Variants in GCNT1 observed in about 807,000 individuals in gnomAD.
GCNT1 encodes the protein beta-1,3-galactosyl-O-glycosyl-glycoprotein beta-1,6-N-acetylglucosaminyltransferase.
A neutral mutation model predicts 26.2 loss-of-function variants in GCNT1; 16 were observed. The observed-to-expected ratio is 0.61, with a 90% confidence interval of 0.41 to 0.93. The LOEUF (loss-of-function observed/expected upper bound fraction) is 0.93. Among genes scored for constraint, GCNT1 ranks in the 40% least tolerant of loss-of-function variants. GCNT1 has a pLI of 0.00. For synonymous variants in GCNT1, 183 were observed against 190.8 expected, an observed-to-expected ratio of 0.96 and a Z score of 0.34; for missense variants, 477 against 526.7, an observed-to-expected ratio of 0.91 and a Z score of 0.92.
intron 1 of GCNT1, among the ~76,000 whole-genome samples, chr9:76,434,942 C>A (rs1307069615): frequency 6.6e-6 from 1 of 152,056 alleles, no homozygotes; most frequent in Non-Finnish European, 1.5e-5. Context: ...GAAATCCCAC[C>A]CTGGTAAATT....
intron 2 of GCNT1, among the ~76,000 whole-genome samples, chr9:76,490,203 A>C (rs1275497510): frequency 1.3e-5 from 2 of 151,988 alleles, no homozygotes; most frequent in Non-Finnish European, 2.9e-5. Context: ...TAAAAGCAAC[A>C]CTCTTTCCCT....
At chr9:76,450,043 G>T (rs1048225773) in intron 1 of GCNT1, among the ~76,000 whole-genome samples, 32 of 152,160 alleles carry the variant, frequency 2.1e-4, no homozygotes, top group Non-Finnish European at 4.4e-5. Flanking sequence ...AAAGTGCTGG[G>T]ATTACAGGTG....
At chr9:76,457,910 A>G (rs575337390), upstream of GCNT1, among the ~76,000 whole-genome samples, 21 of 152,280 alleles carry the variant, frequency 1.4e-4, 1 homozygote, top group South Asian at 4.1e-3. Context: ...TGAAGAGGAT[A>G]CACAAGCTCC....
At chr9:76,410,821 T>G in the GCNT1 span, among the ~76,000 whole-genome samples, 140 of 152,334 alleles carry the variant, frequency 9.2e-4, 2 homozygotes, top group South Asian at 0.015. Flanking sequence ...ATTCATCTGT[T>G]TCTCATTGTA....
In GCNT1 at chr9:76,451,948, CT is replaced by C. The variant is rs747978017; in HGVS notation, c.-290+9651del. Among the ~76,000 whole-genome samples the C allele has an allele frequency of 6.9e-3, 679 of 98,418 alleles. 4 individuals carry two copies. The highest frequency in any genetic ancestry group is 0.015 in the South Asian group (52 of 3,412). The allele number at this position is 98,418 out of a possible 152,430, so 64.6% of individuals were successfully genotyped here. A position where few individuals can be genotyped will look rare whatever the true frequency, so the allele number is the denominator to read the frequency against. On this transcript the variant is annotated intron_variant, in intron 1 of 2. Coordinates refer to the GCNT1 transcript ENST00000442371. ...AACTTTTCTTTTCTTTTCTTTCTTT[CT>C]TTTTTTTTTTTTTTTTTGTTGTTGT... is the stretch of plus-strand genomic sequence containing the variant.
At chr9:76,407,659 G>C in the GCNT1 span, among the ~76,000 whole-genome samples, 1 of 152,130 alleles carries the variant, frequency 6.6e-6, no homozygotes, top group South Asian at 2.1e-4. Context: ...AAAATAACTT[G>C]CTGGGAATTT....
At chr9:76,464,771 A>G (rs1313343659) in intron 2 of GCNT1, among the ~76,000 whole-genome samples, 1 of 152,174 alleles carries the variant, frequency 6.6e-6, no homozygotes, top group African/African-American at 2.4e-5. Context: ...TCTAAATTCT[A>G]CTTAAAAATT....
At chr9:76,457,739 A>G (rs900117146), upstream of GCNT1, among the ~76,000 whole-genome samples, 3 of 152,214 alleles carry the variant, frequency 2.0e-5, no homozygotes, top group Non-Finnish European at 2.9e-5. Flanking sequence ...AAGTTTATAA[A>G]CTTTTATTCC....
intron 2 of GCNT1, among the ~76,000 whole-genome samples, chr9:76,480,750 A>G (rs1294849036): frequency 6.6e-6 from 1 of 152,216 alleles, no homozygotes; most frequent in Admixed American, 6.5e-5. Flanking sequence ...TAATGATTAC[A>G]AGAAAAAAAT....
At chr9:76,500,755 G>A (rs143149643) in intron 2 of GCNT1, among the ~76,000 whole-genome samples, 161 bp from the exon 3 acceptor site, 2 of 152,168 alleles carry the variant, frequency 1.3e-5, no homozygotes, top group African/African-American at 4.8e-5. Flanking sequence ...AGAAAAATAA[G>A]TAAGACTAGA....
chr9:76,415,509 A>T (rs1321891211), upstream of GCNT1, among the ~76,000 whole-genome samples: 3 of 152,200 alleles, frequency 2.0e-5, no homozygotes, highest in Non-Finnish European at 4.4e-5. Flanking sequence ...TTCTCTTGTT[A>T]ATTTATCATC....
chr9:76,408,448 A>G, the GCNT1 span, among the ~76,000 whole-genome samples: 1 of 152,178 alleles, frequency 6.6e-6, no homozygotes, highest in Non-Finnish European at 1.5e-5. Context: ...CCAGGCTTAC[A>G]TACCTGGAAT....
At chr9:76,469,906 G>C (rs887117319) in intron 2 of GCNT1, among the ~76,000 whole-genome samples, 1 of 152,148 alleles carries the variant, frequency 6.6e-6, no homozygotes, top group African/African-American at 2.4e-5. Flanking sequence ...AGAACCCCAG[G>C]TCAGAGAACA....
intron 2 of GCNT1, among the ~76,000 whole-genome samples, chr9:76,467,580 T>A (rs1824030016): frequency 6.6e-6 from 1 of 152,118 alleles, no homozygotes; most frequent in Non-Finnish European, 1.5e-5. Flanking sequence ...TTTTGAAAGC[T>A]CCCTGGTGGT....
At chr9:76,449,262 C>A (rs1444753750) in intron 1 of GCNT1, among the ~76,000 whole-genome samples, 7 of 151,686 alleles carry the variant, frequency 4.6e-5, no homozygotes, top group Non-Finnish European at 8.8e-5. Flanking sequence ...CACACTACCA[C>A]ACTCCAGCCT....
chr9:76,407,656 C>T, the GCNT1 span, among the ~76,000 whole-genome samples: 1 of 152,182 alleles, frequency 6.6e-6, no homozygotes, highest in Non-Finnish European at 1.5e-5. Context: ...CACAAAATAA[C>T]TTGCTGGGAA....
At chr9:76,440,086 G>A (rs769937239), upstream of GCNT1, among the ~76,000 whole-genome samples, 19 of 149,200 alleles carry the variant, frequency 1.3e-4, no homozygotes, top group African/African-American at 3.0e-4. Context: ...GGGCAAGAGC[G>A]AAATTCCGTC....
chr9:76,467,671 C>T (rs1440797108), intron 2 of GCNT1, among the ~76,000 whole-genome samples: 1 of 152,072 alleles, frequency 6.6e-6, no homozygotes, highest in Admixed American at 6.5e-5. Flanking sequence ...CTGTGTTGAG[C>T]TCCAGCCCCT....
intron 2 of GCNT1, among the ~76,000 whole-genome samples, chr9:76,472,287 A>C (rs1824147916): frequency 1.3e-5 from 2 of 152,092 alleles, no homozygotes; most frequent in Middle Eastern, 3.4e-3. Context: ...TGTCTCAAAG[A>C]AAAAAAGGAA....
Sources: allele counts gnomAD v4.1 joint callset (sites outside exome capture counted in the v4.1 genomes callset), GRCh38; gene constraint gnomAD v4.1.1; transcripts MANE v1.5; gene names NCBI Gene and HGNC (gene_info 2026-07-23, HGNC 2026-07-21).